SH3GL3: variants seen among roughly 807,000 people sequenced by gnomAD.
SH3GL3 encodes endophilin-A3.
A neutral mutation model predicts 47.7 loss-of-function variants in SH3GL3; 33 were observed. The ratio of observed to expected loss-of-function variants is 0.69; its 90% CI spans 0.52 to 0.92. The LOEUF is 0.92. Ranked by LOEUF, SH3GL3 falls within the 40% of genes least tolerant of loss-of-function variation. The probability of loss-of-function intolerance (pLI) is 0.00; values close to 1 mark genes in which losing one functional copy is unlikely to be tolerated. For missense variants in SH3GL3, 363 were observed against 417.8 expected (o/e 0.87, Z 1.14); for synonymous variants, 155 against 148.8 (o/e 1.04, Z -0.30).
In SH3GL3 at chr15:83,576,342, A is replaced by T. The variant is rs550658479; in HGVS notation, c.466-241A>T. ...CTGCATCATTACATTCCATAAAGAC[A>T]CTCATTCATTCTATCACCGATCTGT... On this transcript the variant is annotated intron_variant, in intron 5 of 8. Coordinates refer to ENST00000427482, the MANE Select transcript of SH3GL3 (RefSeq NM_003027.5). 2.6e-5 allele frequency among the ~76,000 whole-genome samples: 4 copies of T among 152,270 alleles called. No homozygotes were observed. The East Asian group carries it at 7.7e-4, about 29-fold the overall frequency.
chr15:83,541,312 A>ATTTTTTTTTTTTTTTTTTTTTTTTTTTT (rs71156085), intron 1 of SH3GL3, among the ~76,000 whole-genome samples: 1 of 47,340 alleles, frequency 2.1e-5, no homozygotes, highest in Non-Finnish European at 4.1e-5. Context: ...TGGTAATTCT[A>ATTTTTTTTTTTTTTTTTTTTTTTTTTTT]TTTTTTTTTT....
At chr15:83,592,055 C>T (rs1263633366) in intron 8 of SH3GL3, among the ~76,000 whole-genome samples, 1 of 152,200 alleles carries the variant, frequency 6.6e-6, no homozygotes, top group Non-Finnish European at 1.5e-5. Flanking sequence ...TTTCCCAGTG[C>T]TTATTTTCTG....
chr15:83,487,805 G>A lies in SH3GL3; in HGVS notation c.45+40227G>A, dbSNP rs956714292. 2.0e-5 allele frequency among the ~76,000 whole-genome samples: 3 copies of A among 151,140 alleles called. No homozygotes were observed. The East Asian group carries it at 5.8e-4, about 29-fold the overall frequency. ...CCATCCCAGGAAGCTCTTTTTGGCT[G>A]ACATAGTTTTTCTCTTCTCTCACTA... On this transcript the variant is annotated intron_variant, in intron 1 of 8. Coordinates refer to ENST00000427482, the MANE Select transcript of SH3GL3 (RefSeq NM_003027.5).
intron 1 of SH3GL3, among the ~76,000 whole-genome samples, chr15:83,493,346 G>A (rs2041952782): frequency 6.6e-6 from 1 of 152,136 alleles, no homozygotes; most frequent in Non-Finnish European, 1.5e-5. Flanking sequence ...CAGAGGTTTT[G>A]TGGTGTATTT....
chr15:83,505,097 C>T (rs185161400), intron 1 of SH3GL3, among the ~76,000 whole-genome samples: 1 of 152,194 alleles, frequency 6.6e-6, no homozygotes, highest in East Asian at 1.9e-4. Context: ...TGTATGAATA[C>T]ACCACTTACA....
At chr15:83,624,104 A>G in the SH3GL3 span, among the ~76,000 whole-genome samples, 1 of 152,076 alleles carries the variant, frequency 6.6e-6, no homozygotes, top group African/African-American at 2.4e-5. Context: ...CCAAATCTAC[A>G]TATGTTGCCG....
intron 1 of SH3GL3, among the ~76,000 whole-genome samples, chr15:83,521,365 C>T (rs774229279): frequency 6.6e-6 from 1 of 152,074 alleles, no homozygotes; most frequent in Non-Finnish European, 1.5e-5. Context: ...ATGGACACTA[C>T]CTTTAGGTGC....
intron 1 of SH3GL3, among the ~76,000 whole-genome samples, chr15:83,493,130 T>C (rs1051630721): frequency 6.6e-6 from 1 of 152,074 alleles, no homozygotes; most frequent in African/African-American, 2.4e-5. Context: ...TTCTTGGTTA[T>C]TTTTTTAAAA....
At chr15:83,584,539 C>T (rs2059910898) in intron 6 of SH3GL3, among the ~76,000 whole-genome samples, 1 of 152,130 alleles carries the variant, frequency 6.6e-6, no homozygotes, top group Admixed American at 6.5e-5. Flanking sequence ...TCACTTCACA[C>T]ATTTGTCAAC....
chr15:83,471,487 C>T (rs938983976), intron 1 of SH3GL3, among the ~76,000 whole-genome samples: 11 of 152,206 alleles, frequency 7.2e-5, no homozygotes, highest in African/African-American at 2.7e-4. Flanking sequence ...TCACAGGCAG[C>T]TAGCTGATCA....
chr15:83,621,190 A>G (rs150478639), downstream of SH3GL3, among the ~76,000 whole-genome samples: 182 of 152,276 alleles, frequency 1.2e-3, no homozygotes, highest in African/African-American at 4.2e-3. Flanking sequence ...AGCACTTTTA[A>G]TTTCCTTCAA....
At chr15:83,515,162 A>AT (rs2042929072) in intron 1 of SH3GL3, among the ~76,000 whole-genome samples, 1 of 152,100 alleles carries the variant, frequency 6.6e-6, no homozygotes, top group African/African-American at 2.4e-5. Context: ...GTTTTTGGTA[A>AT]TTTTTTATAG....
intron 1 of SH3GL3, among the ~76,000 whole-genome samples, chr15:83,539,681 G>C (rs1017041956): frequency 6.6e-6 from 1 of 152,100 alleles, no homozygotes; most frequent in African/African-American, 2.4e-5. Flanking sequence ...CTTCTACTCT[G>C]TGGCTTGATA....
chr15:83,568,581 G>T lies in SH3GL3; in HGVS notation c.240G>T (p.Gln80His). The T allele has an allele frequency of 6.2e-7, 1 of 1,613,372 alleles. No individual in the cohort carries two copies. Among genetic ancestry groups the T allele is most frequent in the Non-Finnish European group, 8.5e-7 (1 of 1,179,322 alleles). Residue 80 changes from glutamine to histidine, a missense_variant, in exon 4 of 9, where the codon CAG (glutamine) becomes CAT (histidine). Coordinates refer to ENST00000427482, the MANE Select transcript of SH3GL3 (RefSeq NM_003027.5). ...MLNTVSKIRG[Q>H]VKTTGYPQTE... Reference sequence around the variant, plus strand: ...ACACTGTGTCGAAGATCCGAGGGCAGGTGAAGACCACAGGATACCCGCAGA... The same window carrying T: ...ACACTGTGTCGAAGATCCGAGGGCATGTGAAGACCACAGGATACCCGCAGA...
intron 2 of SH3GL3, among the ~76,000 whole-genome samples, chr15:83,561,144 A>C (rs1206658360): frequency 2.6e-5 from 4 of 152,284 alleles, no homozygotes; most frequent in African/African-American, 9.6e-5. Flanking sequence ...ATTATAAATA[A>C]ATATAGATAT....
chr15:83,555,304 A>C (rs952745885), intron 1 of SH3GL3, among the ~76,000 whole-genome samples: 4 of 152,186 alleles, frequency 2.6e-5, no homozygotes, highest in Non-Finnish European at 4.4e-5. Context: ...ATAATATCCT[A>C]AACACACATT....
chr15:83,600,944 G>A (rs900650357), intron 8 of SH3GL3, among the ~76,000 whole-genome samples: 3 of 151,956 alleles, frequency 2.0e-5, no homozygotes, highest in African/African-American at 7.2e-5. Context: ...TTTTTGTTTT[G>A]CAGCTATTAT....
intron 1 of SH3GL3, among the ~76,000 whole-genome samples, chr15:83,550,837 A>G (rs2151722635): frequency 6.6e-6 from 1 of 152,276 alleles, no homozygotes; most frequent in East Asian, 1.9e-4. Flanking sequence ...CCTTAGGTAC[A>G]TCCCATGGAG....
At chr15:83,601,700 A>G (rs1208638021) in intron 8 of SH3GL3, among the ~76,000 whole-genome samples, 6 of 151,982 alleles carry the variant, frequency 3.9e-5, no homozygotes. Context: ...TTAAGGTGAT[A>G]CTGACTTCAT....
Sources: allele counts gnomAD v4.1 joint callset (sites outside exome capture counted in the v4.1 genomes callset), GRCh38; gene constraint gnomAD v4.1.1; transcripts MANE v1.5; gene names NCBI Gene and HGNC (gene_info 2026-07-23, HGNC 2026-07-21).